ALDH6A1: variants seen among roughly 807,000 people sequenced by gnomAD.
The protein encoded by ALDH6A1 is methylmalonate-semialdehyde/malonate-semialdehyde dehydrogenase [acylating], mitochondrial.
A neutral mutation model predicts 62.6 loss-of-function variants in ALDH6A1; 43 were observed. That is an observed-to-expected ratio of 0.69 (90% confidence interval 0.54 to 0.89). The LOEUF (loss-of-function observed/expected upper bound fraction) is 0.89. Among genes scored for constraint, ALDH6A1 ranks in the 40% least tolerant of loss-of-function variants. The pLI is 0.00. For missense variants in ALDH6A1, 551 were observed against 661.3 expected, an observed-to-expected ratio of 0.83 and a Z score of 1.83; for synonymous variants, 194 against 234.2, an observed-to-expected ratio of 0.83 and a Z score of 1.57.
Position 74,071,321 on chromosome 14 carries a change from A to G in ALDH6A1, c.604T>C (p.Cys202Arg), listed in dbSNP as rs1338696570. ...GGTTTCATTAGGAAGGTATTTCCAC[A>G]CACCATGGCCATGGGAAACATCCAA... ...PLWMFPMAMV[C>R]GNTFLMKPSE... The change falls in exon 6 of 12, where the codon TGT (cysteine) becomes CGT (arginine). Residue 202 changes from cysteine (C) to arginine (R), a missense_variant. By Grantham distance (180) the Cys-to-Arg change is radical (BLOSUM62 -3). Transcript: ENST00000553458. 2 of 1,614,202 alleles carry G rather than the reference A, an allele frequency of 1.2e-6. No homozygotes were observed. The highest frequency in any genetic ancestry group is 3.3e-5 in the Admixed American group (2 of 60,012).
At position 74,060,330 on chromosome 14, in the gene ALDH6A1, C is replaced by G. The variant is rs933189081; in HGVS notation, c.*312G>C. 3.3e-5 allele frequency: 11 copies of G among 336,344 alleles called. No homozygotes were observed. Among genetic ancestry groups the G allele is most frequent in the South Asian group, 2.9e-4 (10 of 34,246 alleles). The allele number at this position is 336,344 out of a possible 1,614,324, so 20.8% of individuals were successfully genotyped here. On this transcript the variant is annotated 3_prime_UTR_variant, in exon 12 of 12. Coordinates refer to ENST00000553458, the MANE Select transcript of ALDH6A1 (RefSeq NM_005589.4). ...ATTTTCTTTACATACACTGGCTTTTCTCCCCTTCAAATCATCAGAAAATGG... is the reference window on the plus strand; with the variant it reads ...ATTTTCTTTACATACACTGGCTTTTGTCCCCTTCAAATCATCAGAAAATGG...
At chr14:74,065,052 G>T in intron 10 of ALDH6A1, 129 bp downstream of exon 10, 1 of 1,402,260 alleles carries the variant, frequency 7.1e-7, no homozygotes, top group Non-Finnish European at 1.0e-6. Flanking sequence ...TTTCATTCCT[G>T]AGGAAGAAAT....
At position 74,071,533 on chromosome 14, in the gene ALDH6A1, CTG is replaced by C. The variant is rs1308410173; in HGVS notation, c.428-38_428-37del. On this transcript the variant is annotated intron_variant, in intron 5 of 11. Coordinates refer to ENST00000553458, the MANE Select transcript of ALDH6A1 (RefSeq NM_005589.4). ...GAAGTCAGGCCATCAGCTCTCCACACTGTGTACTAGTTAGCTTTGTCCTGTTC... is the reference window on the plus strand; with the variant it reads ...GAAGTCAGGCCATCAGCTCTCCACACTGTACTAGTTAGCTTTGTCCTGTTC... 7 of 1,612,792 alleles carry C rather than the reference CTG, an allele frequency of 4.3e-6. No individual in the cohort carries two copies. The Admixed American group carries it at 1.0e-4, about 23-fold the overall frequency.
chr14:74,057,261 A>G lies in ALDH6A1; in HGVS notation c.*3381T>C. ...AAGAACCTCAGGAGTCTGACACAGT[A>G]AGGAGTCTGTATCTAATCAAACAAT... is the stretch of plus-strand genomic sequence containing the variant. On this transcript the variant is annotated 3_prime_UTR_variant, in exon 12 of 12. Transcript: ENST00000553458. 1 of 1,614,102 alleles carries G rather than the reference A, an allele frequency of 6.2e-7. No homozygotes were observed. The highest frequency in any genetic ancestry group is 8.5e-7 in the Non-Finnish European group (1 of 1,179,970).
Position 74,071,324 on chromosome 14 carries a change from C to A in ALDH6A1, c.601G>T (p.Val201Leu). 6.2e-7 allele frequency: 1 copy of A among 1,614,162 alleles called. No homozygotes were observed. Reference sequence around the variant, plus strand: ...TTCATTAGGAAGGTATTTCCACACACCATGGCCATGGGAAACATCCAAAGG... The same window carrying A: ...TTCATTAGGAAGGTATTTCCACACAACATGGCCATGGGAAACATCCAAAGG... ...IPLWMFPMAM[V>L]CGNTFLMKPS... The change falls in exon 6 of 12, where the codon GTG becomes TTG. Residue 201 changes from valine (V) to leucine (L), a missense_variant. Transcript: ENST00000553458.
Position 74,060,684 on chromosome 14 carries a change from A to C in ALDH6A1, c.1566T>G (p.Thr522=). The change falls in exon 12 of 12, where the codon ACT becomes ACG. Residue 522 remains threonine, a synonymous_variant. Transcript: ENST00000553458. The part of the protein sequence containing the change: ...ITSQWKEEDA[T]LSSPAVVMPT... The stretch of plus-strand genomic sequence containing the variant: ...GCATGACAACAGCAGGTGAGGAAAG[A>C]GTAGCATCTTCTTCTTTCCACTGAG... The C allele has an allele frequency of 1.2e-6, 2 of 1,614,056 alleles. No individual in the cohort carries two copies. Among genetic ancestry groups the C allele is most frequent in the Non-Finnish European group, 1.7e-6 (2 of 1,179,908 alleles).
intron 11 of ALDH6A1, among the ~76,000 whole-genome samples, chr14:74,063,710 A>G (rs550706303): frequency 2.4e-4 from 36 of 150,148 alleles, no homozygotes; most frequent in Non-Finnish European, 1.5e-4. Flanking sequence ...CACTAAAAAT[A>G]CAAAAATTAG....
At chr14:74,069,470 G>C (rs1051602431) in intron 6 of ALDH6A1, among the ~76,000 whole-genome samples, 53 of 151,950 alleles carry the variant, frequency 3.5e-4, no homozygotes, top group African/African-American at 1.2e-3. Flanking sequence ...TATTTAGCCG[G>C]CTGGACACGG....
At chr14:74,083,923 C>T (rs2139828087) in intron 1 of ALDH6A1, among the ~76,000 whole-genome samples, 1 of 152,230 alleles carries the variant, frequency 6.6e-6, no homozygotes, top group Middle Eastern at 3.4e-3. Context: ...GGGAAGGGAG[C>T]AATGGCAAAG....
chr14:74,057,872 T>G lies in ALDH6A1; in HGVS notation c.*2770A>C. The G allele has an allele frequency of 9.6e-7, 1 of 1,036,274 alleles. No individual in the cohort carries two copies. Among genetic ancestry groups the G allele is most frequent in the East Asian group, 9.3e-5 (1 of 10,758 alleles). The allele number at this position is 1,036,274 out of a possible 1,614,324, so 64.2% of individuals were successfully genotyped here. A position where few individuals can be genotyped will look rare whatever the true frequency, so the allele number is the denominator to read the frequency against. ...AGTTGGCCAGATGAGTTGTTTCTAA[T>G]TAGAGCATCACAGTTCTGATTAGTG... On this transcript the variant is annotated 3_prime_UTR_variant, in exon 12 of 12. Coordinates refer to ENST00000553458, the MANE Select transcript of ALDH6A1 (RefSeq NM_005589.4).
At chr14:74,070,405 G>C (rs528463637) in intron 6 of ALDH6A1, among the ~76,000 whole-genome samples, 1 of 152,168 alleles carries the variant, frequency 6.6e-6, no homozygotes, top group East Asian at 1.9e-4. Flanking sequence ...TGTAATCCCA[G>C]CTATTTAAGA....
chr14:74,071,137 T>C, intron 6 of ALDH6A1, 58 bp downstream of exon 6: 1 of 1,506,738 alleles, frequency 6.6e-7, no homozygotes, highest in Non-Finnish European at 9.2e-7. Flanking sequence ...CAACCATCAC[T>C]CAACACCTTG....
rs35760969 is a variant in ALDH6A1 at position 74,059,084 on chromosome 14, C to CAA, written c.*1556_*1557dup. The CAA allele has an allele frequency of 5.7e-3, 278 of 48,404 alleles. No homozygotes were observed. The highest frequency in any genetic ancestry group is 6.1e-3 in the African/African-American group (68 of 11,090). The allele number at this position is 48,404 out of a possible 1,614,324, so 3.0% of individuals were successfully genotyped here. On this transcript the variant is annotated 3_prime_UTR_variant, in exon 12 of 12. Coordinates refer to ENST00000553458, the MANE Select transcript of ALDH6A1 (RefSeq NM_005589.4). ...GGGCAACAAGAGTGAAACTCCATCT[C>CAA]AAAAAAAAAAAAAAAAAAAAAAGCG...
rs1211987149 is a variant in ALDH6A1, at chr14:74,072,191, T to G, written c.348+12A>C. The G allele has an allele frequency of 3.1e-6, 5 of 1,614,206 alleles. No individual in the cohort carries two copies. The highest frequency in any genetic ancestry group is 4.2e-6 in the Non-Finnish European group (5 of 1,180,042). ...TGACAGTTTGGAAAAGCATACCATT[T>G]AGATTTCATACCAAGTTTTCTTTAA... is the stretch of plus-strand genomic sequence containing the variant. On this transcript the variant is annotated intron_variant, in intron 4 of 11. Coordinates refer to ENST00000553458, the MANE Select transcript of ALDH6A1 (RefSeq NM_005589.4).
At chr14:74,082,529 A>G (rs1343219000) in intron 1 of ALDH6A1, among the ~76,000 whole-genome samples, 1 of 149,648 alleles carries the variant, frequency 6.7e-6, no homozygotes, top group East Asian at 2.0e-4. Flanking sequence ...CTTCCTGAGT[A>G]GCTGGGATTA....
chr14:74,068,931 C>A lies in ALDH6A1; in HGVS notation c.781G>T (p.Gly261Ter). The A allele has an allele frequency of 6.2e-7, 1 of 1,613,832 alleles. No individual in the cohort carries two copies. Among genetic ancestry groups the A allele is most frequent in the Non-Finnish European group, 8.5e-7 (1 of 1,179,922 alleles). ...ATATACTCTCCTGCCTTGTTGGATC[C>A]CACAAAGCTGATTGCTTTGATGTCC... ...HPDIKAISFV[G>*]SNKAGEYIFE... The change falls in exon 7 of 12, where the codon GGA (glycine) becomes TGA (stop). Residue 261 changes from glycine (G) to a stop codon, truncating the protein, a stop_gained. Transcript: ENST00000553458. LOFTEE classifies it high-confidence loss of function.
chr14:74,074,333 C>T (rs1295766400), intron 2 of ALDH6A1, among the ~76,000 whole-genome samples: 1 of 144,746 alleles, frequency 6.9e-6, no homozygotes, highest in Non-Finnish European at 1.5e-5. Context: ...TGTCATCAGG[C>T]TGGAGTGCAA....
intron 10 of ALDH6A1, 34 bp from the exon 11 acceptor site, chr14:74,064,954 G>A (rs2060436035): frequency 1.3e-6 from 2 of 1,585,630 alleles, no homozygotes; most frequent in Non-Finnish European, 1.7e-6. Flanking sequence ...ATATCCTAAG[G>A]ACAAAGGAAC....
At position 74,064,869 on chromosome 14, in the gene ALDH6A1, C is replaced by A. The variant is rs368853422; in HGVS notation, c.1456G>T (p.Gly486Cys). 1.9e-6 allele frequency: 3 copies of A among 1,613,884 alleles called. No individual in the cohort carries two copies. Among genetic ancestry groups the A allele is most frequent in the Non-Finnish European group, 2.5e-6 (3 of 1,180,024 alleles). ...TCTCCCCTGAAGGAGGATCGAGAGCCGGTGAATGAGAACATTGGCAAAGGC... is the reference window on the plus strand; with the variant it reads ...TCTCCCCTGAAGGAGGATCGAGAGCAGGTGAATGAGAACATTGGCAAAGGC... Reference protein sequence around the residue: ...PVPLPMFSFTGSRSSFRGDTN... With the variant: ...PVPLPMFSFTCSRSSFRGDTN... Residue 486 changes from glycine to cysteine, a missense_variant, in exon 11 of 12, where the codon GGC (glycine) becomes TGC (cysteine). Coordinates refer to ENST00000553458, the MANE Select transcript of ALDH6A1 (RefSeq NM_005589.4).
Sources: gnomAD v4.1 joint callset for allele counts (sites outside exome capture counted in the v4.1 genomes callset) on GRCh38, gnomAD v4.1.1 for gene constraint, MANE v1.5 for transcripts, NCBI Gene and HGNC (gene_info 2026-07-23, HGNC 2026-07-21) for gene names.